THSD4: variants seen among roughly 807,000 people sequenced by gnomAD.
THSD4 encodes the protein thrombospondin type 1 domain containing 4.
A neutral mutation model predicts 119.0 loss-of-function variants in THSD4; 69 were observed. That is an observed-to-expected ratio of 0.58 (90% CI 0.48 to 0.71). The LOEUF (loss-of-function observed/expected upper bound fraction) is 0.71. Ranked by LOEUF, THSD4 falls within the 30% of genes least tolerant of loss-of-function variation. THSD4 has a pLI of 0.00. For missense variants in THSD4, 1,393 were observed against 1,391.1 expected (o/e 1.00, Z -0.02); for synonymous variants, 524 against 540.4 (o/e 0.97, Z 0.42).
chr15:71,754,225 A>G (rs985613665), intron 14 of THSD4, among the ~76,000 whole-genome samples: 3 of 151,736 alleles, frequency 2.0e-5, no homozygotes, highest in African/African-American at 4.8e-5. Context: ...AAGTAGCTGG[A>G]ATTACAGGTG....
At chr15:71,694,239 T>G (rs1384702890) in intron 8 of THSD4, among the ~76,000 whole-genome samples, 1 of 152,218 alleles carries the variant, frequency 6.6e-6, no homozygotes, top group Admixed American at 6.5e-5. Context: ...TCATGGTTGG[T>G]TCATCTGATT....
Position 71,782,286 on chromosome 15 carries a change from G to C in THSD4, c.*4912G>C, listed in dbSNP as rs933701159. 6.6e-6 allele frequency: 1 copy of C among 151,992 alleles called. No individual in the cohort carries two copies. Among genetic ancestry groups the C allele is most frequent in the African/African-American group, 2.4e-5 (1 of 41,382 alleles). The allele number at this position is 151,992 out of a possible 1,614,324, so 9.4% of individuals were successfully genotyped here. On this transcript the variant is annotated 3_prime_UTR_variant, in exon 18 of 18. Transcript: ENST00000261862. ...TGTCCATCGTGCTGAGGGTGTGACCGCAAGAGGGTGAAAACTTCCAGCCAA... is the reference window on the plus strand; with the variant it reads ...TGTCCATCGTGCTGAGGGTGTGACCCCAAGAGGGTGAAAACTTCCAGCCAA...
At chr15:71,111,989 T>C (rs2040308458), upstream of THSD4, 1 of 911,790 alleles carries the variant, frequency 1.1e-6, no homozygotes, top group Admixed American at 2.8e-5. Context: ...GAAAACTGTG[T>C]TCCCCATAAG....
At chr15:71,765,425 C>T (rs1567142412) in intron 16 of THSD4, among the ~76,000 whole-genome samples, 1 of 152,228 alleles carries the variant, frequency 6.6e-6, no homozygotes, top group Non-Finnish European at 1.5e-5. Flanking sequence ...CAGTGACTCT[C>T]ACACTTCAGT....
rs142752954 is a variant in THSD4, at chr15:71,190,119, T to G, written c.100-24916T>G. Among the ~76,000 whole-genome samples the G allele has an allele frequency of 2.6e-3, 392 of 152,338 alleles. 3 individuals carry two copies. The highest frequency in any genetic ancestry group is 9.1e-3 in the African/African-American group (380 of 41,570). The stretch of plus-strand genomic sequence containing the variant: ...GGTAGACATCATTTACTGACCACTG[T>G]GCTCTTTTTAACTGAGTCCTGGCTC... On this transcript the variant is annotated intron_variant, in intron 3 of 17. Coordinates refer to ENST00000261862, the MANE Select transcript of THSD4 (RefSeq NM_024817.3).
At chr15:71,501,095 G>T (rs1015839260) in intron 7 of THSD4, among the ~76,000 whole-genome samples, 15 of 152,040 alleles carry the variant, frequency 9.9e-5, no homozygotes, top group African/African-American at 3.6e-4. Context: ...AATATTAAGT[G>T]TTCTAATCCA....
At chr15:71,521,503 G>A (rs1595853398) in intron 7 of THSD4, among the ~76,000 whole-genome samples, 1 of 152,152 alleles carries the variant, frequency 6.6e-6, no homozygotes, top group East Asian at 1.9e-4. Flanking sequence ...CTTAGGCTCC[G>A]TGATCCTGGC....
intron 15 of THSD4, among the ~76,000 whole-genome samples, chr15:71,763,505 G>T (rs2053660229): frequency 6.6e-6 from 1 of 151,970 alleles, no homozygotes; most frequent in Non-Finnish European, 1.5e-5. Flanking sequence ...GAGGCCAGGA[G>T]TTCAAGACCA....
intron 7 of THSD4, among the ~76,000 whole-genome samples, chr15:71,622,833 A>G (rs1227476634): frequency 6.6e-6 from 1 of 152,212 alleles, no homozygotes; most frequent in Non-Finnish European, 1.5e-5. Context: ...CTGTTAGGGT[A>G]AGTGAAGGCT....
chr15:71,516,110 A>G (rs934478614), intron 7 of THSD4, among the ~76,000 whole-genome samples: 2 of 152,236 alleles, frequency 1.3e-5, no homozygotes, highest in African/African-American at 4.8e-5. Flanking sequence ...AATGGTTAGC[A>G]TTTCTAAATA....
intron 7 of THSD4, among the ~76,000 whole-genome samples, chr15:71,449,555 C>G (rs1429985141): frequency 6.6e-6 from 1 of 152,140 alleles, no homozygotes; most frequent in Non-Finnish European, 1.5e-5. Flanking sequence ...CTTACAGTGC[C>G]TGCTACTCTG....
In THSD4 at chr15:71,376,724, A is replaced by G. The variant is rs975506248; in HGVS notation, c.1016-34963A>G. Among the ~76,000 whole-genome samples, 42 of 152,352 alleles carry G rather than the reference A, an allele frequency of 2.8e-4. 1 individual carries two copies. The highest frequency in any genetic ancestry group is 9.9e-4 in the African/African-American group (41 of 41,580). The stretch of plus-strand genomic sequence containing the variant: ...AGGGATCCCAGGTGATGGGACCAGT[A>G]TAAGCAAAGGCATGAGGTCAGAATA... On this transcript the variant is annotated intron_variant, in intron 6 of 17. Coordinates refer to ENST00000261862, the MANE Select transcript of THSD4 (RefSeq NM_024817.3).
rs541607208 is a variant in THSD4 at position 71,386,007 on chromosome 15, A to G, written c.1016-25680A>G. 6.6e-5 allele frequency among the ~76,000 whole-genome samples: 10 copies of G among 152,338 alleles called. No individual in the cohort carries two copies. The South Asian group carries it at 2.1e-3, about 32-fold the overall frequency. On this transcript the variant is annotated intron_variant, in intron 6 of 17. Transcript: ENST00000261862. ...GGAAAAATGAGGAAAGTGATGCTTA[A>G]GTAGCTAGCGGACCAACAGAAATGT...
chr15:71,248,783 C>T lies in THSD4; in HGVS notation c.912+5687C>T, dbSNP rs140235693. On this transcript the variant is annotated intron_variant, in intron 5 of 17. Coordinates refer to ENST00000261862, the MANE Select transcript of THSD4 (RefSeq NM_024817.3). The stretch of plus-strand genomic sequence containing the variant: ...TGCTCTCTGCAGGCAGATTCTAATT[C>T]TACTCCATCTCTAGTCTGATATTGA... Among the ~76,000 whole-genome samples the T allele has an allele frequency of 1.3e-3, 202 of 152,282 alleles. 2 individuals are homozygous for T. The highest frequency in any genetic ancestry group is 4.6e-3 in the African/African-American group (191 of 41,554).
At chr15:71,354,481 A>T (rs1348244490) in intron 6 of THSD4, among the ~76,000 whole-genome samples, 2 of 152,148 alleles carry the variant, frequency 1.3e-5, no homozygotes, top group Non-Finnish European at 2.9e-5. Flanking sequence ...CCAGGTGGAG[A>T]CTTTTCCAAA....
In THSD4 at chr15:71,301,885, G is replaced by A. The variant is rs1268334321; in HGVS notation, c.1015+45170G>A. Among the ~76,000 whole-genome samples the A allele has an allele frequency of 2.6e-5, 4 of 152,270 alleles. No homozygotes were observed. In the East Asian group the frequency reaches 7.7e-4, roughly 29 times the overall value. On this transcript the variant is annotated intron_variant, in intron 6 of 17. Coordinates refer to ENST00000261862, the MANE Select transcript of THSD4 (RefSeq NM_024817.3). ...GCATCACTCAGTCTTTGCAGTGCAT[G>A]ATGTTAGATGGGATGCCTTTTGAGC...
At chr15:71,457,905 G>A (rs944006311) in intron 7 of THSD4, among the ~76,000 whole-genome samples, 4 of 152,116 alleles carry the variant, frequency 2.6e-5, no homozygotes, top group Admixed American at 6.6e-5. Flanking sequence ...CTTCCTCACC[G>A]TTGGATTTCC....
At chr15:71,388,784 A>C (rs2046328685) in intron 6 of THSD4, among the ~76,000 whole-genome samples, 1 of 152,020 alleles carries the variant, frequency 6.6e-6, no homozygotes, top group South Asian at 2.1e-4. Context: ...AAATATATAT[A>C]TATAAAAAAC....
chr15:71,589,356 A>T lies in THSD4; in HGVS notation c.1153-71174A>T, dbSNP rs200418364. 1.5e-4 allele frequency among the ~76,000 whole-genome samples: 20 copies of T among 132,798 alleles called. 1 individual carries two copies. In the East Asian group the frequency reaches 3.0e-3, roughly 20 times the overall value. 87.1% of individuals were successfully genotyped at this position (132,798 alleles called of 152,430 possible). Reference sequence around the variant, plus strand: ...CTGGTGTGATATAAATTATTTATTTATTTATTTTTTTATTTATTGGAGACA... The same window carrying T: ...CTGGTGTGATATAAATTATTTATTTTTTTATTTTTTTATTTATTGGAGACA... On this transcript the variant is annotated intron_variant, in intron 7 of 17. Coordinates refer to ENST00000261862, the MANE Select transcript of THSD4 (RefSeq NM_024817.3).
Sources: allele counts gnomAD v4.1 joint callset (sites outside exome capture counted in the v4.1 genomes callset), GRCh38; gene constraint gnomAD v4.1.1; transcripts MANE v1.5; gene names NCBI Gene and HGNC (gene_info 2026-07-23, HGNC 2026-07-21).